ANKS6: variants seen among roughly 807,000 people sequenced by gnomAD.
ANKS6 encodes ankyrin repeat and sterile alpha motif domain containing 6, also known as ankyrin repeat and SAM domain-containing protein 6.
ANKS6 carries 47 observed loss-of-function variants against 77.9 expected under a neutral mutation model. The observed-to-expected ratio is 0.60, with a 90% CI of 0.48 to 0.77. The LOEUF is 0.77. ANKS6 is among the 30% of genes least tolerant of loss of function. ANKS6 has a pLI of 0.00. For missense variants in ANKS6, 1,150 were observed against 1,159.1 expected, an observed-to-expected ratio of 0.99 and a Z score of 0.11; for synonymous variants, 488 against 501.7, an observed-to-expected ratio of 0.97 and a Z score of 0.37.
chr9:98,738,580 A>G (rs1213776710), intron 14 of ANKS6, among the ~76,000 whole-genome samples: 1 of 149,864 alleles, frequency 6.7e-6, no homozygotes, highest in Non-Finnish European at 1.5e-5. Context: ...AAAAAATAAA[A>G]TAAAAAAAAA....
intron 12 of ANKS6, among the ~76,000 whole-genome samples, chr9:98,754,640 T>G (rs1192364877): frequency 1.4e-5 from 2 of 147,872 alleles, no homozygotes; most frequent in Non-Finnish European, 3.0e-5. Context: ...AGCCTCCGTC[T>G]CAAAAAAAAA....
chr9:98,739,249 T>C (rs1285593812), intron 14 of ANKS6, among the ~76,000 whole-genome samples: 1 of 152,118 alleles, frequency 6.6e-6, no homozygotes, highest in Admixed American at 6.6e-5. Flanking sequence ...AAACACCACC[T>C]GTTCCCCAAT....
intron 8 of ANKS6, among the ~76,000 whole-genome samples, chr9:98,774,812 C>T (rs1170383138): frequency 6.6e-6 from 1 of 152,202 alleles, no homozygotes. Context: ...CCAAGCTCAC[C>T]TTAATTAAGA....
At chr9:98,754,438 G>A (rs1242901640) in intron 12 of ANKS6, among the ~76,000 whole-genome samples, 5 of 152,174 alleles carry the variant, frequency 3.3e-5, no homozygotes, top group East Asian at 1.9e-4. Context: ...TCAGGAGATC[G>A]AGACCATCCT....
Position 98,735,756 on chromosome 9 carries a change from C to T in ANKS6, c.*763G>A. On this transcript the variant is annotated 3_prime_UTR_variant, in exon 15 of 15. Transcript: ENST00000353234. Reference sequence around the variant, plus strand: ...CCACACAGCAGGCCTCCACTTCTTTCCTTCTATAATAGACTCTCTTTGCAA... The same window carrying T: ...CCACACAGCAGGCCTCCACTTCTTTTCTTCTATAATAGACTCTCTTTGCAA... The T allele has an allele frequency of 8.1e-7, 1 of 1,231,766 alleles. No homozygotes were observed. The highest frequency in any genetic ancestry group is 4.1e-5 in the South Asian group (1 of 24,318). The allele number at this position is 1,231,766 out of a possible 1,614,324, so 76.3% of individuals were successfully genotyped here. A position where few individuals can be genotyped will look rare whatever the true frequency, so the allele number is the denominator to read the frequency against.
At chr9:98,741,352 G>A (rs1325394518) in intron 14 of ANKS6, among the ~76,000 whole-genome samples, 1 of 152,214 alleles carries the variant, frequency 6.6e-6, no homozygotes, top group East Asian at 1.9e-4. Flanking sequence ...TACTCAAGAG[G>A]CTGAGGTGGG....
chr9:98,767,745 C>T (rs1325456539), intron 11 of ANKS6, among the ~76,000 whole-genome samples: 2 of 152,222 alleles, frequency 1.3e-5, no homozygotes, highest in African/African-American at 4.8e-5. Flanking sequence ...AGGCAGGTTG[C>T]TCCTCAACTC....
intron 13 of ANKS6, 138 bp downstream of exon 13, chr9:98,750,891 G>A (rs747297993): frequency 1.6e-5 from 11 of 683,532 alleles, no homozygotes; most frequent in African/African-American, 1.3e-4. Context: ...AACTAATCCC[G>A]CTAAGCACGA....
intron 6 of ANKS6, 142 bp downstream of exon 6, chr9:98,780,047 C>A: frequency 8.5e-7 from 1 of 1,171,318 alleles, no homozygotes; most frequent in African/African-American, 1.5e-5. Flanking sequence ...CCTTTGTTTC[C>A]TATTGCTCAA....
At chr9:98,765,281 A>G (rs12554653) in intron 11 of ANKS6, among the ~76,000 whole-genome samples, 5,765 of 152,274 alleles carry the variant, frequency 0.038, 152 homozygotes, top group Middle Eastern at 0.065. Context: ...GTGGGTAAAT[A>G]TAAGATTATT....
chr9:98,737,504 T>C (rs1201422321), intron 14 of ANKS6, among the ~76,000 whole-genome samples: 1 of 150,742 alleles, frequency 6.6e-6, no homozygotes, highest in Non-Finnish European at 1.5e-5. Flanking sequence ...AAAAAAAAAA[T>C]ACTTAGGAAT....
rs1831444257 is a variant in ANKS6 at position 98,735,419 on chromosome 9, G to C, written c.*1100C>G. The C allele has an allele frequency of 1.7e-6, 2 of 1,166,748 alleles. No homozygotes were observed. The highest frequency in any genetic ancestry group is 1.1e-6 in the Non-Finnish European group (1 of 948,576). 72.3% of individuals were successfully genotyped at this position (1,166,748 alleles called of 1,614,324 possible). A position where few individuals can be genotyped will look rare whatever the true frequency, so the allele number is the denominator to read the frequency against. On this transcript the variant is annotated 3_prime_UTR_variant, in exon 15 of 15. Coordinates refer to ENST00000353234, the MANE Select transcript of ANKS6 (RefSeq NM_173551.5). ...CACTGGAAAACACTTCAGAAAGCCAGTGGGTTTTAAAAGTCAGGGCCCCTC... is the reference window on the plus strand; with the variant it reads ...CACTGGAAAACACTTCAGAAAGCCACTGGGTTTTAAAAGTCAGGGCCCCTC...
chr9:98,780,076 C>A, intron 6 of ANKS6, 113 bp downstream of exon 6: 1 of 1,434,922 alleles, frequency 7.0e-7, no homozygotes, highest in Non-Finnish European at 9.6e-7. Context: ...CACCTGCCAC[C>A]CCTGCAGGGA....
chr9:98,744,375 C>A (rs939568693), intron 14 of ANKS6, among the ~76,000 whole-genome samples: 1 of 152,132 alleles, frequency 6.6e-6, no homozygotes, highest in Admixed American at 6.5e-5. Context: ...GAGAAAGAGG[C>A]CAGGAGGCCT....
rs957895533 is a variant in ANKS6 at position 98,736,430 on chromosome 9, C to A, written c.*89G>T. ...AGGGAACAACATGACTAAGGCACAG[C>A]AGTGTGACGGGGGCAGGGCTGGGGC... On this transcript the variant is annotated 3_prime_UTR_variant, in exon 15 of 15. Coordinates refer to ENST00000353234, the MANE Select transcript of ANKS6 (RefSeq NM_173551.5). 2.7e-6 allele frequency: 4 copies of A among 1,472,022 alleles called. No individual in the cohort carries two copies. The highest frequency in any genetic ancestry group is 2.8e-5 in the African/African-American group (2 of 70,826). 91.2% of individuals were successfully genotyped at this position (1,472,022 alleles called of 1,614,324 possible).
Position 98,735,801 on chromosome 9 carries a change from C to T in ANKS6, c.*718G>A. 8.1e-7 allele frequency: 1 copy of T among 1,231,740 alleles called. No individual in the cohort carries two copies. The highest frequency in any genetic ancestry group is 1.5e-5 in the African/African-American group (1 of 64,542). The allele number at this position is 1,231,740 out of a possible 1,614,324, so 76.3% of individuals were successfully genotyped here. A position where few individuals can be genotyped will look rare whatever the true frequency, so the allele number is the denominator to read the frequency against. On this transcript the variant is annotated 3_prime_UTR_variant, in exon 15 of 15. Transcript: ENST00000353234. ...TTGCAATAAAGAAAAATGCGTTTGA[C>T]ATACACATCTCCAATGTAAGCTGTA...
chr9:98,784,028 A>C lies in ANKS6; in HGVS notation c.1037T>G (p.Val346Gly), dbSNP rs1227553995. 1 of 1,611,352 alleles carries C rather than the reference A, an allele frequency of 6.2e-7. No individual in the cohort carries two copies. The highest frequency in any genetic ancestry group is 1.1e-5 in the South Asian group (1 of 90,328). ...CTTGTCAACATCCGCGTGCCTCTCCACCAGCAGCTGCACCAGAGCCAGCTG... is the reference window on the plus strand; with the variant it reads ...CTTGTCAACATCCGCGTGCCTCTCCCCCAGCAGCTGCACCAGAGCCAGCTG... ...TGQLALVQLL[V>G]ERHADVDKQD... Residue 346 changes from valine (V) to glycine (G), a missense_variant, in exon 4 of 15, where the codon GTG becomes GGG. By Grantham distance (109) the Val-to-Gly change is moderately radical. Transcript: ENST00000353234.
rs758020659 is a variant in ANKS6, at chr9:98,784,089, C to A, written c.976G>T (p.Gly326Trp). 1 of 1,598,572 alleles carries A rather than the reference C, an allele frequency of 6.3e-7. No homozygotes were observed. The highest frequency in any genetic ancestry group is 1.3e-5 in the African/African-American group (1 of 74,500). ...PSHVNLVNGD[G>W]ATPLMLAAVT... is the part of the protein sequence containing the mutation. ...GCTGCTAGCATCAGTGGCGTCGCCCCGTCCCCATTGACCAAGTTCACGTGG... is the reference window on the plus strand; with the variant it reads ...GCTGCTAGCATCAGTGGCGTCGCCCAGTCCCCATTGACCAAGTTCACGTGG... The change falls in exon 4 of 15, where the codon GGG becomes TGG. Residue 326 changes from glycine (G) to tryptophan (W), a missense_variant. Transcript: ENST00000353234.
chr9:98,777,604 G>A (rs1026956882), intron 7 of ANKS6, 150 bp from the exon 8 acceptor site: 2 of 717,880 alleles, frequency 2.8e-6, no homozygotes, highest in Non-Finnish European at 4.7e-6. Context: ...TTTAATAGAA[G>A]GAAGGCATTT....
Sources: gnomAD v4.1 joint callset for allele counts (sites outside exome capture counted in the v4.1 genomes callset) on GRCh38, gnomAD v4.1.1 for gene constraint, MANE v1.5 for transcripts, NCBI Gene and HGNC (gene_info 2026-07-23, HGNC 2026-07-21) for gene names.